The following ARHGAP20 variants were observed in gnomAD, a reference collection of about 807,000 sequenced individuals.
The protein encoded by ARHGAP20 is rho GTPase-activating protein 20.
Under a neutral mutation model 73.7 loss-of-function variants are expected in ARHGAP20, and 34 were observed. The observed-to-expected ratio is 0.46, with a 90% CI of 0.35 to 0.61. ARHGAP20 has a LOEUF of 0.61. Ranked by LOEUF, ARHGAP20 falls within the 20% of genes least tolerant of loss-of-function variation. ARHGAP20 has a pLI of 0.00. For synonymous variants in ARHGAP20, 523 were observed against 518.2 expected, an observed-to-expected ratio of 1.01 and a Z score of -0.13; for missense variants, 1,314 against 1,420.9, an observed-to-expected ratio of 0.92 and a Z score of 1.21.
intron 1 of ARHGAP20, among the ~76,000 whole-genome samples, chr11:110,694,380 A>G (rs1243908223): frequency 6.6e-6 from 1 of 151,756 alleles, no homozygotes; most frequent in East Asian, 1.9e-4. Flanking sequence ...ATTACTTCCA[A>G]TGGATCTTTG....
intron 1 of ARHGAP20, among the ~76,000 whole-genome samples, chr11:110,697,865 T>A (rs770434853): frequency 2.6e-4 from 39 of 151,712 alleles, no homozygotes; most frequent in Non-Finnish European, 8.9e-5. Flanking sequence ...ATGATGACTC[T>A]GGATATGTTC....
intron 1 of ARHGAP20, among the ~76,000 whole-genome samples, chr11:110,711,059 G>C (rs1346261605): frequency 6.6e-6 from 1 of 151,536 alleles, no homozygotes; most frequent in Admixed American, 6.6e-5. Flanking sequence ...AAGCGGGGGT[G>C]GGGAGGCGGG....
intron 2 of ARHGAP20, among the ~76,000 whole-genome samples, chr11:110,658,643 A>T (rs964981300): frequency 6.6e-6 from 1 of 152,166 alleles, no homozygotes; most frequent in African/African-American, 2.4e-5. Flanking sequence ...TACAAGGTAG[A>T]GTTTAGCCCA....
rs371737447 is a variant in ARHGAP20, at chr11:110,624,277, T to C, written c.388A>G (p.Lys130Glu). The C allele has an allele frequency of 1.9e-6, 3 of 1,598,284 alleles. No individual in the cohort carries two copies. The highest frequency in any genetic ancestry group is 2.6e-6 in the Non-Finnish European group (3 of 1,172,552). Reference protein sequence around the residue: ...NNNFKIKNKIKLTDMWTASCV... With the variant: ...NNNFKIKNKIELTDMWTASCV... ...CTTGCTGTCCACATATCAGTTAATT[T>C]AATTTTATTTTTTATCTTAAAGTTA... The change falls in exon 4 of 15, where the codon AAA (lysine) becomes GAA (glutamate). Residue 130 changes from lysine (K) to glutamate (E), a missense_variant. Around this residue, in one of 3 missense-constraint regions of ARHGAP20, gnomAD observed 443 missense variants for 466.4 expected, o/e 0.95. Coordinates refer to ENST00000683387, the MANE Select transcript of ARHGAP20 (RefSeq NM_001384657.1).
At chr11:110,693,920 T>C (rs910925015) in intron 1 of ARHGAP20, among the ~76,000 whole-genome samples, 3 of 151,862 alleles carry the variant, frequency 2.0e-5, no homozygotes, top group East Asian at 1.9e-4. Context: ...GTATATAGTA[T>C]ATATTTTCTG....
intron 2 of ARHGAP20, among the ~76,000 whole-genome samples, chr11:110,660,879 T>G (rs1328541323): frequency 1.3e-5 from 2 of 152,206 alleles, no homozygotes; most frequent in African/African-American, 2.4e-5. Flanking sequence ...GCCCTGTCTC[T>G]AGTTCCAACA....
chr11:110,631,072 T>C (rs1387924708), intron 2 of ARHGAP20, among the ~76,000 whole-genome samples: 5 of 152,216 alleles, frequency 3.3e-5, no homozygotes, highest in South Asian at 2.1e-4. Context: ...CAACCATCCA[T>C]TGAATAATTC....
chr11:110,690,537 T>C lies in ARHGAP20; in HGVS notation c.188+10A>G. On this transcript the variant is annotated intron_variant, in intron 2 of 14. Transcript: ENST00000683387. ...CATACTGAATGTGTAATACAAAGCTTTGCACTTACCTGGTAGTAGGCCGTT... is the reference window on the plus strand; with the variant it reads ...CATACTGAATGTGTAATACAAAGCTCTGCACTTACCTGGTAGTAGGCCGTT... The C allele has an allele frequency of 6.2e-7, 1 of 1,611,224 alleles. No homozygotes were observed. The highest frequency in any genetic ancestry group is 8.5e-7 in the Non-Finnish European group (1 of 1,177,388).
chr11:110,688,801 TA>T, intron 2 of ARHGAP20, among the ~76,000 whole-genome samples: 1 of 152,266 alleles, frequency 6.6e-6, no homozygotes, highest in East Asian at 1.9e-4. Context: ...AGGCATCTAT[TA>T]AAAGGAGTTT....
intron 2 of ARHGAP20, among the ~76,000 whole-genome samples, chr11:110,648,176 T>TATATATATATGTAA (rs1565457283): frequency 1.1e-4 from 10 of 91,584 alleles, no homozygotes; most frequent in Non-Finnish European, 1.8e-4. Flanking sequence ...TATGTAAATA[T>TATATATATATGTAA]ATATATATAT....
At chr11:110,600,915 C>A (rs558527430) in intron 9 of ARHGAP20, among the ~76,000 whole-genome samples, 1 of 152,138 alleles carries the variant, frequency 6.6e-6, no homozygotes, top group Non-Finnish European at 1.5e-5. Context: ...TACTAGGAGG[C>A]CTTCTCTACA....
chr11:110,711,981 T>C, intron 1 of ARHGAP20, 146 bp downstream of exon 1: 3 of 1,247,088 alleles, frequency 2.4e-6, no homozygotes, highest in Non-Finnish European at 2.0e-6. Flanking sequence ...GGAAGTGTTC[T>C]GGGACTCTCA....
At chr11:110,650,505 A>T (rs1398473088) in intron 2 of ARHGAP20, among the ~76,000 whole-genome samples, 4 of 152,116 alleles carry the variant, frequency 2.6e-5, no homozygotes, top group Non-Finnish European at 5.9e-5. Context: ...AGGATAAAGA[A>T]AGTAACTAAC....
At chr11:110,678,550 A>G (rs1045238650) in intron 2 of ARHGAP20, among the ~76,000 whole-genome samples, 1 of 152,246 alleles carries the variant, frequency 6.6e-6, no homozygotes, top group Admixed American at 6.5e-5. Context: ...TGAGAGAAAC[A>G]TTCTAGAAAG....
At chr11:110,685,494 TA>T (rs34975209) in intron 2 of ARHGAP20, among the ~76,000 whole-genome samples, 3 of 151,504 alleles carry the variant, frequency 2.0e-5, no homozygotes, top group African/African-American at 7.3e-5. Context: ...GGTGCCACAT[TA>T]AAAAAAATGT....
At chr11:110,697,835 A>G (rs780876168) in intron 1 of ARHGAP20, among the ~76,000 whole-genome samples, 4 of 151,880 alleles carry the variant, frequency 2.6e-5, no homozygotes, top group African/African-American at 2.4e-5. Flanking sequence ...GCCTTGTAGT[A>G]TAATTTGAAG....
chr11:110,673,748 T>C (rs544658753), intron 2 of ARHGAP20, among the ~76,000 whole-genome samples: 48 of 152,296 alleles, frequency 3.2e-4, no homozygotes, highest in African/African-American at 1.2e-3. Context: ...CAGAACCTTA[T>C]GGCCACCATG....
chr11:110,616,974 A>G (rs920233568), intron 4 of ARHGAP20, among the ~76,000 whole-genome samples: 2 of 152,176 alleles, frequency 1.3e-5, no homozygotes, highest in African/African-American at 2.4e-5. Flanking sequence ...TTACATGTAC[A>G]GCTTGAATAA....
At chr11:110,701,985 G>A (rs1407868186) in intron 1 of ARHGAP20, among the ~76,000 whole-genome samples, 1 of 152,118 alleles carries the variant, frequency 6.6e-6, no homozygotes, top group Non-Finnish European at 1.5e-5. Flanking sequence ...GGTAACTGTA[G>A]CCTTGTAGTA....
Sources: gnomAD v4.1 joint callset for allele counts (sites outside exome capture counted in the v4.1 genomes callset) on GRCh38, gnomAD v4.1.1 for gene constraint, gnomAD v4.1.1 regional missense constraint, MANE v1.5 for transcripts, NCBI Gene and HGNC (gene_info 2026-07-23, HGNC 2026-07-21) for gene names.